The following WDR88 variants were observed in gnomAD, a reference collection of about 807,000 sequenced individuals.
WDR88 encodes WD repeat-containing protein 88.
A neutral mutation model predicts 46.8 loss-of-function variants in WDR88; 40 were observed. The observed-to-expected ratio is 0.86, with a 90% CI of 0.66 to 1.11. The LOEUF (loss-of-function observed/expected upper bound fraction) is 1.11. Among genes scored for constraint, WDR88 ranks in the 50% most tolerant of loss-of-function variants. The pLI is 0.00. For missense variants in WDR88, 562 were observed against 602.4 expected (o/e 0.93, Z 0.70); for synonymous variants, 235 against 240.7 (o/e 0.98, Z 0.22).
Position 33,174,113 on chromosome 19 carries a change from A to G in WDR88, c.1243-1283A>G, listed in dbSNP as rs191938155. 1.8e-3 allele frequency: 2,729 copies of G among 1,512,230 alleles called. 4 individuals are homozygous for G. Among genetic ancestry groups the G allele is most frequent in the Non-Finnish European group, 2.2e-3 (2,530 of 1,126,612 alleles). The allele number at this position is 1,512,230 out of a possible 1,614,324, so 93.7% of individuals were successfully genotyped here. A position where few individuals can be genotyped will look rare whatever the true frequency, so the allele number is the denominator to read the frequency against. On this transcript the variant is annotated intron_variant, in intron 10 of 10. Transcript: ENST00000355868. ...GTGATCCGCCCGCCTCAGCCTCCCA[A>G]AGTGCTGGGACTACAGGCGCAAGCT...
At chr19:33,154,596 G>A (rs560308731) in intron 6 of WDR88, among the ~76,000 whole-genome samples, 156 of 152,158 alleles carry the variant, frequency 1.0e-3, no homozygotes, top group African/African-American at 3.5e-3. Flanking sequence ...TTCTTTATCC[G>A]GTCTATCATT....
chr19:33,138,806 C>T (rs1392954601), intron 2 of WDR88, among the ~76,000 whole-genome samples: 1 of 151,754 alleles, frequency 6.6e-6, no homozygotes, highest in Non-Finnish European at 1.5e-5. Context: ...CCTCAGCCTC[C>T]CTAGTAGCTG....
chr19:33,148,777 G>C lies in WDR88; in HGVS notation c.546G>C (p.Lys182Asn). 1 of 1,614,098 alleles carries C rather than the reference G, an allele frequency of 6.2e-7. No homozygotes were observed. Among genetic ancestry groups the C allele is most frequent in the South Asian group, 1.1e-5 (1 of 91,078 alleles). The part of the protein sequence containing the change: ...WDLETGKLLW[K>N]VRYDTFIVSC... The stretch of plus-strand genomic sequence containing the variant: ...TGATTGCTGGCTCATTTCAGTGGAA[G>C]GTCAGGTATGATACCTTCATCGTCT... The change falls in exon 5 of 11, where the codon AAG (lysine) becomes AAC (asparagine). Residue 182 changes from lysine to asparagine, a missense_variant. Coordinates refer to ENST00000355868, the MANE Select transcript of WDR88 (RefSeq NM_173479.4).
rs547431699 is a variant in WDR88, at chr19:33,137,947, A to T, written c.387+160A>T. On this transcript the variant is annotated intron_variant, in intron 2 of 10. Transcript: ENST00000355868. ...CAGAAGGAGGAGAGGGTGAGAGCCC[A>T]GCCTAGACGAAGTTAGGGTGGCTGC... is the stretch of plus-strand genomic sequence containing the variant. Among the ~76,000 whole-genome samples the T allele has an allele frequency of 1.2e-4, 18 of 152,308 alleles. No individual in the cohort carries two copies. The East Asian group carries it at 3.5e-3, about 29-fold the overall frequency.
rs115580857 is a variant in WDR88, at chr19:33,147,629, G to A, written c.477-16G>A. On this transcript the variant is annotated splice_polypyrimidine_tract_variant and intron_variant, in intron 3 of 10. Transcript: ENST00000355868. ...AAAAAAAGAACCAGTGTTCGTCATCGTCATCTTATTTCCAGAGTCATTGCC... is the reference window on the plus strand; with the variant it reads ...AAAAAAAGAACCAGTGTTCGTCATCATCATCTTATTTCCAGAGTCATTGCC... 1.5e-4 allele frequency: 237 copies of A among 1,612,376 alleles called. 1 individual carries two copies. In the African/African-American group the frequency reaches 2.1e-3, roughly 14 times the overall value.
At chr19:33,161,782 T>C (rs113273856) in intron 8 of WDR88, among the ~76,000 whole-genome samples, 221 of 152,076 alleles carry the variant, frequency 1.5e-3, no homozygotes, top group African/African-American at 5.2e-3. Context: ...CTGGCCAACA[T>C]AGTGAAACAC....
At chr19:33,162,042 C>A (rs1225725637) in intron 8 of WDR88, among the ~76,000 whole-genome samples, 2 of 152,072 alleles carry the variant, frequency 1.3e-5, no homozygotes, top group East Asian at 1.9e-4. Context: ...GCGGTTTAAC[C>A]TTCCCTCTGA....
chr19:33,174,059 C>T, intron 10 of WDR88: 8 of 976,968 alleles, frequency 8.2e-6, no homozygotes, highest in South Asian at 5.9e-5. Context: ...ACCATGTTGG[C>T]CAGGTTGGTC....
At chr19:33,162,526 T>C (rs2145412319) in intron 8 of WDR88, among the ~76,000 whole-genome samples, 2 of 152,142 alleles carry the variant, frequency 1.3e-5, no homozygotes, top group Middle Eastern at 3.4e-3. Flanking sequence ...TCTGAGCTCC[T>C]ATGTACCCAA....
intron 7 of WDR88, among the ~76,000 whole-genome samples, chr19:33,157,585 G>GTATATATGTGTATATATGTA (rs1460878467): frequency 2.9e-5 from 4 of 137,144 alleles, no homozygotes; most frequent in South Asian, 2.3e-4. Flanking sequence ...GTATATATAT[G>GTATATATGTGTATATATGTA]TATATATGTG....
In WDR88 at chr19:33,164,356, G is replaced by A. The variant is rs1973920089; in HGVS notation, c.1149+91G>A. 9.6e-6 allele frequency: 12 copies of A among 1,248,740 alleles called. 1 individual carries two copies. In the South Asian group the frequency reaches 1.3e-4, roughly 14 times the overall value. 77.4% of individuals were successfully genotyped at this position (1,248,740 alleles called of 1,614,324 possible). ...TGCCAAGTATAAAATTCCTGGGTGG[G>A]TTCGGTGAGCTGTACCTGACCGGGC... On this transcript the variant is annotated intron_variant, in intron 9 of 10. Transcript: ENST00000355868.
At chr19:33,155,845 G>C (rs1342924793) in intron 6 of WDR88, among the ~76,000 whole-genome samples, 1 of 152,182 alleles carries the variant, frequency 6.6e-6, no homozygotes, top group Non-Finnish European at 1.5e-5. Context: ...CTGGCATCTA[G>C]CCAGGAGAGG....
intron 1 of WDR88, among the ~76,000 whole-genome samples, chr19:33,134,395 G>T (rs965432889): frequency 1.3e-5 from 2 of 151,932 alleles, no homozygotes; most frequent in Admixed American, 1.3e-4. Context: ...GTCTCGCCAT[G>T]TTGCCCAGGC....
At chr19:33,136,763 G>A (rs927468543) in intron 1 of WDR88, among the ~76,000 whole-genome samples, 3 of 151,212 alleles carry the variant, frequency 2.0e-5, no homozygotes, top group African/African-American at 7.3e-5. Context: ...TTTTAGTAGA[G>A]ATGGGGTTTT....
chr19:33,144,640 A>G (rs903354177), intron 2 of WDR88, among the ~76,000 whole-genome samples: 2 of 152,230 alleles, frequency 1.3e-5, no homozygotes, highest in African/African-American at 4.8e-5. Context: ...GATGCCAGGA[A>G]TGGCAAGGGT....
intron 6 of WDR88, 40 bp downstream of exon 6, chr19:33,151,350 G>A: frequency 1.3e-6 from 2 of 1,598,102 alleles, no homozygotes; most frequent in Middle Eastern, 1.9e-4. Flanking sequence ...AGTTTGGGTG[G>A]GGCGTCCCCA....
At chr19:33,144,716 C>T (rs1973474818) in intron 2 of WDR88, 128 bp from the exon 3 acceptor site, 17 of 811,890 alleles carry the variant, frequency 2.1e-5, no homozygotes, top group Non-Finnish European at 3.5e-5. Flanking sequence ...GAGTGAGAGT[C>T]CCAGGACCTT....
At chr19:33,170,953 G>A (rs548947094) in intron 9 of WDR88, among the ~76,000 whole-genome samples, 2 of 152,294 alleles carry the variant, frequency 1.3e-5, no homozygotes, top group Admixed American at 1.3e-4. Flanking sequence ...CACTATAGGT[G>A]TGTATCACCA....
chr19:33,140,148 G>A (rs928295097), intron 2 of WDR88, among the ~76,000 whole-genome samples: 3 of 152,198 alleles, frequency 2.0e-5, no homozygotes, highest in Admixed American at 2.0e-4. Context: ...TAACACTAGA[G>A]GAATTTTTTC....
Sources: allele counts gnomAD v4.1 joint callset (sites outside exome capture counted in the v4.1 genomes callset), GRCh38; gene constraint gnomAD v4.1.1; transcripts MANE v1.5; gene names NCBI Gene and HGNC (gene_info 2026-07-23, HGNC 2026-07-21).